The following SOX6 variants were observed in gnomAD, a reference collection of about 807,000 sequenced individuals.
SOX6 encodes transcription factor SOX-6.
SOX6 carries 11 observed loss-of-function variants against 97.8 expected under a neutral mutation model. That is an observed-to-expected ratio of 0.11 (90% CI 0.07 to 0.19). SOX6 has a LOEUF of 0.19. SOX6 is among the 10% of genes least tolerant of loss of function. The pLI, the probability that SOX6 is intolerant of heterozygous loss-of-function variation, is 1.00. For synonymous variants in SOX6, 360 were observed against 371.4 expected, an observed-to-expected ratio of 0.97 and a Z score of 0.35; for missense variants, 810 against 1,039.5, an observed-to-expected ratio of 0.78 and a Z score of 3.04.
intron 3 of SOX6, chr11:16,315,744 C>G (rs1335926295): frequency 6.6e-6 from 1 of 152,180 alleles, no homozygotes; most frequent in Non-Finnish European, 1.5e-5. Flanking sequence ...AACCCAATCC[C>G]TCCTCCATGT....
At chr11:16,577,582 C>T (rs1431962584) in intron 4 of SOX6, among the ~76,000 whole-genome samples, 2 of 152,124 alleles carry the variant, frequency 1.3e-5, no homozygotes, top group Non-Finnish European at 2.9e-5. Flanking sequence ...CCTTTGCCAA[C>T]ATTTTTTAGT....
At chr11:16,341,334 A>G in intron 1 of SOX6, 82 bp from the exon 2 acceptor site, 1 of 1,541,724 alleles carries the variant, frequency 6.5e-7, no homozygotes, top group Non-Finnish European at 8.7e-7. Context: ...CTAGTTCAGG[A>G]AAGAAGGAAA....
At chr11:16,068,036 T>C (rs1037414811) in intron 9 of SOX6, among the ~76,000 whole-genome samples, 4 of 152,166 alleles carry the variant, frequency 2.6e-5, no homozygotes, top group Non-Finnish European at 5.9e-5. Flanking sequence ...TGTAACAGAT[T>C]CTCTTCTAGT....
intron 4 of SOX6, among the ~76,000 whole-genome samples, chr11:16,195,201 A>C (rs1368560164): frequency 6.6e-6 from 1 of 152,186 alleles, no homozygotes; most frequent in Non-Finnish European, 1.5e-5. Flanking sequence ...CTCATCCAAA[A>C]AGTTACATTG....
At chr11:16,379,973 TTATAA>T (rs756343119) in intron 1 of SOX6, among the ~76,000 whole-genome samples, 4 of 151,748 alleles carry the variant, frequency 2.6e-5, no homozygotes, top group African/African-American at 4.8e-5. Flanking sequence ...AAAAAGTAGA[TTATAA>T]TATAATATAA....
chr11:16,291,503 T>C (rs1041140606), intron 3 of SOX6, among the ~76,000 whole-genome samples: 1 of 151,936 alleles, frequency 6.6e-6, no homozygotes, highest in African/African-American at 2.4e-5. Flanking sequence ...GTTGTTGTTG[T>C]TTTGTGTGTT....
intron 1 of SOX6, among the ~76,000 whole-genome samples, chr11:16,351,438 A>T (rs936246841): frequency 6.6e-6 from 1 of 151,956 alleles, no homozygotes; most frequent in Non-Finnish European, 1.5e-5. Context: ...ACCCTAAACT[A>T]CTTTCTCTAT....
At chr11:16,470,097 T>C (rs1285119288) in intron 1 of SOX6, among the ~76,000 whole-genome samples, 1 of 152,156 alleles carries the variant, frequency 6.6e-6, no homozygotes, top group African/African-American at 2.4e-5. Flanking sequence ...AATGTCAGTA[T>C]ATCTCTAATT....
In SOX6 at chr11:16,729,581, A is replaced by C. The variant is rs533975500; in HGVS notation, n.353+6758T>G. Among the ~76,000 whole-genome samples, 5 of 152,338 alleles carry C rather than the reference A, an allele frequency of 3.3e-5. No homozygotes were observed. The South Asian group carries it at 1.0e-3, about 32-fold the overall frequency. On this transcript the variant is annotated intron_variant and non_coding_transcript_variant, in intron 2 of 5. Transcript: ENST00000524520. ...CCTTACAAGAGATCCTGAAGGAAGC[A>C]CTAAACATGGAAAGGAACAACCGGT...
rs756310694 is a variant in SOX6 at position 16,318,471 on chromosome 11, C to T, written c.420G>A (p.Glu140=). The T allele has an allele frequency of 5.6e-6, 9 of 1,613,078 alleles. No homozygotes were observed. The highest frequency in any genetic ancestry group is 6.8e-6 in the Non-Finnish European group (8 of 1,179,658). Residue 140 remains glutamate (E), a synonymous_variant, in exon 3 of 16, where the codon GAG becomes GAA. Transcript: ENST00000683767. ...VVDTLKQKKL[E]EMTRTEQEDS... ...CCTCTTGTTCAGTCCGAGTCATTTC[C>T]TCAAGCTTCTTCTGTTTCAGTGTGT...
chr11:16,507,271 A>G (rs889264584), intron 4 of SOX6, among the ~76,000 whole-genome samples: 4 of 152,042 alleles, frequency 2.6e-5, no homozygotes, highest in Non-Finnish European at 2.9e-5. Flanking sequence ...TTTTCTTTGT[A>G]GATTTCCCAA....
intron 3 of SOX6, among the ~76,000 whole-genome samples, chr11:16,631,670 T>G (rs372737636): frequency 4.3e-4 from 66 of 152,358 alleles, no homozygotes; most frequent in African/African-American, 1.5e-3. Flanking sequence ...CCCTCAAATA[T>G]ATATTCCAGA....
chr11:16,658,793 T>A (rs770230525), intron 3 of SOX6, among the ~76,000 whole-genome samples: 1 of 152,218 alleles, frequency 6.6e-6, no homozygotes, highest in Non-Finnish European at 1.5e-5. Flanking sequence ...ATGTAATACA[T>A]ATGAAAGCCC....
At chr11:16,299,621 C>T (rs1235027376) in intron 3 of SOX6, among the ~76,000 whole-genome samples, 1 of 152,072 alleles carries the variant, frequency 6.6e-6, no homozygotes, top group Non-Finnish European at 1.5e-5. Context: ...AATGAATAGT[C>T]AACTACGATA....
At chr11:16,615,044 C>T (rs1359323936) in intron 3 of SOX6, among the ~76,000 whole-genome samples, 2 of 152,140 alleles carry the variant, frequency 1.3e-5, no homozygotes, top group Non-Finnish European at 2.9e-5. Context: ...AACAGGCCCC[C>T]AAGCCGGACC....
chr11:16,708,697 C>T (rs1168441933), intron 3 of SOX6, among the ~76,000 whole-genome samples: 1 of 152,142 alleles, frequency 6.6e-6, no homozygotes, highest in Non-Finnish European at 1.5e-5. Flanking sequence ...TTTTCTTTAT[C>T]CTCATAGAGC....
chr11:16,289,163 T>C (rs1309225125), intron 3 of SOX6, among the ~76,000 whole-genome samples: 1 of 151,994 alleles, frequency 6.6e-6, no homozygotes, highest in Non-Finnish European at 1.5e-5. Flanking sequence ...TAAAAACAAT[T>C]ATTACTCCCT....
chr11:16,462,513 C>T (rs1049605680), intron 1 of SOX6, among the ~76,000 whole-genome samples: 8 of 151,858 alleles, frequency 5.3e-5, no homozygotes, highest in African/African-American at 1.2e-4. Context: ...GAAAGCAGAA[C>T]GGAAAGGCAG....
intron 4 of SOX6, among the ~76,000 whole-genome samples, chr11:16,538,744 G>T (rs1247131456): frequency 6.6e-6 from 1 of 152,170 alleles, no homozygotes; most frequent in Non-Finnish European, 1.5e-5. Flanking sequence ...TTACATAATG[G>T]TAAAGGGATC....
Sources: gnomAD v4.1 joint callset for allele counts (sites outside exome capture counted in the v4.1 genomes callset) on GRCh38, gnomAD v4.1.1 for gene constraint, MANE v1.5 for transcripts, NCBI Gene and HGNC (gene_info 2026-07-23, HGNC 2026-07-21) for gene names.